Variants in PLD5 observed in about 807,000 individuals in gnomAD.
The protein encoded by PLD5 is phospholipase D family member 5.
In PLD5, 36 loss-of-function variants were observed where a neutral mutation model predicts 61.1. The ratio of observed to expected loss-of-function variants is 0.59; its 90% confidence interval spans 0.45 to 0.78. The LOEUF (loss-of-function observed/expected upper bound fraction) is 0.78, where lower values mean the gene tolerates loss of function less well. Ranked by LOEUF, PLD5 falls within the 30% of genes least tolerant of loss-of-function variation. The probability of loss-of-function intolerance (pLI) is 0.00; values close to 1 mark genes in which losing one functional copy is unlikely to be tolerated. For missense variants in PLD5, 515 were observed against 644.4 expected, an observed-to-expected ratio of 0.80 and a Z score of 2.17; for synonymous variants, 243 against 242.8, an observed-to-expected ratio of 1.00 and a Z score of -0.01.
chr1:242,229,820 A>G (rs1201435158), intron 4 of PLD5, among the ~76,000 whole-genome samples: 1 of 152,098 alleles, frequency 6.6e-6, no homozygotes, highest in Non-Finnish European at 1.5e-5. Flanking sequence ...TGCCTCTACA[A>G]ACTGAAGCAA....
chr1:242,452,356 C>T (rs1341213526), intron 1 of PLD5, among the ~76,000 whole-genome samples: 2 of 152,114 alleles, frequency 1.3e-5, no homozygotes, highest in Middle Eastern at 3.2e-3. Context: ...AAAATTGTTA[C>T]ACTTTTCAGC....
chr1:242,385,571 T>G (rs1032715016), intron 1 of PLD5, among the ~76,000 whole-genome samples: 1 of 152,166 alleles, frequency 6.6e-6, no homozygotes, highest in Non-Finnish European at 1.5e-5. Context: ...CCCACTTCCC[T>G]CTCTCAAACT....
intron 1 of PLD5, among the ~76,000 whole-genome samples, chr1:242,469,355 C>T (rs780297751): frequency 2.0e-5 from 3 of 152,158 alleles, no homozygotes; most frequent in Non-Finnish European, 4.4e-5. Context: ...AAAACAGAAT[C>T]GTGATGTTTC....
intron 5 of PLD5, among the ~76,000 whole-genome samples, chr1:242,145,953 G>A (rs1209240544): frequency 6.6e-6 from 1 of 152,224 alleles, no homozygotes; most frequent in Non-Finnish European, 1.5e-5. Context: ...TGGGATTACA[G>A]GCGTGAGCCA....
At chr1:242,293,970 T>C (rs1675512703) in intron 2 of PLD5, among the ~76,000 whole-genome samples, 1 of 152,194 alleles carries the variant, frequency 6.6e-6, no homozygotes, top group African/African-American at 2.4e-5. Context: ...CTGATCTAAT[T>C]AGCATAGAAG....
chr1:242,364,255 A>T (rs2258997), intron 1 of PLD5, among the ~76,000 whole-genome samples: 144,087 of 152,134 alleles, frequency 0.95, 68,708 homozygotes, highest in Non-Finnish European at 1. Flanking sequence ...TAAATAACAT[A>T]TCAATATGTA....
chr1:242,176,519 G>A (rs1035070489), intron 5 of PLD5, among the ~76,000 whole-genome samples: 2 of 152,136 alleles, frequency 1.3e-5, no homozygotes, highest in African/African-American at 4.8e-5. Context: ...TCAGGACATA[G>A]GTATGGGCAA....
intron 1 of PLD5, among the ~76,000 whole-genome samples, chr1:242,511,961 T>A (rs1668924532): frequency 6.6e-6 from 1 of 152,180 alleles, no homozygotes; most frequent in Admixed American, 6.5e-5. Context: ...ATTGGGAATC[T>A]CATAGGCAGA....
chr1:242,322,342 T>C (rs1259734300), intron 2 of PLD5, among the ~76,000 whole-genome samples: 2 of 152,212 alleles, frequency 1.3e-5, no homozygotes, highest in East Asian at 1.9e-4. Flanking sequence ...TCCCCAGATA[T>C]CTACCTTTTT....
intron 5 of PLD5, among the ~76,000 whole-genome samples, chr1:242,183,477 A>T (rs1391710329): frequency 1.3e-5 from 2 of 152,244 alleles, no homozygotes; most frequent in African/African-American, 2.4e-5. Context: ...GAGTAAGGGG[A>T]AAAGCAATTA....
intron 2 of PLD5, among the ~76,000 whole-genome samples, chr1:242,321,712 C>A (rs1341598571): frequency 6.6e-6 from 1 of 152,146 alleles, no homozygotes; most frequent in Non-Finnish European, 1.5e-5. Flanking sequence ...CCCATTTTTT[C>A]TGTACATCAA....
intron 1 of PLD5, among the ~76,000 whole-genome samples, chr1:242,523,742 G>C (rs972992073): frequency 6.6e-6 from 1 of 152,192 alleles, no homozygotes; most frequent in African/African-American, 2.4e-5. Context: ...ACCATGCAAC[G>C]CCAGGTTGCT....
chr1:242,261,186 T>C (rs1412196680), intron 4 of PLD5, among the ~76,000 whole-genome samples: 3 of 152,208 alleles, frequency 2.0e-5, no homozygotes, highest in Admixed American at 2.0e-4. Flanking sequence ...ACAAGTAGAC[T>C]GAGAAAATAC....
chr1:242,110,784 G>C (rs1661420190), intron 7 of PLD5, among the ~76,000 whole-genome samples: 1 of 151,690 alleles, frequency 6.6e-6, no homozygotes, highest in Admixed American at 6.6e-5. Flanking sequence ...CACTCAGCCT[G>C]GGCGACAAGA....
chr1:242,445,687 A>G (rs1461286927), intron 1 of PLD5, among the ~76,000 whole-genome samples: 7 of 151,216 alleles, frequency 4.6e-5, no homozygotes, highest in African/African-American at 1.7e-4. Flanking sequence ...ATTTTGTTAG[A>G]GCAGCCTGAA....
At chr1:242,317,469 A>G (rs1378672908) in intron 2 of PLD5, among the ~76,000 whole-genome samples, 1 of 149,040 alleles carries the variant, frequency 6.7e-6, no homozygotes, top group East Asian at 2.1e-4. Flanking sequence ...AGAATTTGTA[A>G]ACACTTTTTC....
chr1:242,241,809 C>T (rs894995898), intron 4 of PLD5, among the ~76,000 whole-genome samples: 1 of 145,958 alleles, frequency 6.9e-6, no homozygotes, highest in African/African-American at 2.5e-5. Flanking sequence ...CCTCTAGGAC[C>T]TCTACCAGCA....
chr1:242,389,775 C>T (rs939055571), intron 1 of PLD5, among the ~76,000 whole-genome samples: 1 of 151,930 alleles, frequency 6.6e-6, no homozygotes, highest in African/African-American at 2.4e-5. Flanking sequence ...ACAGTGGGCC[C>T]CTAATATATT....
intron 5 of PLD5, among the ~76,000 whole-genome samples, chr1:242,204,440 C>A (rs1052248523): frequency 2.0e-5 from 3 of 152,206 alleles, no homozygotes; most frequent in Admixed American, 6.5e-5. Context: ...GGACAGTAAC[C>A]AAGGCGTTGC....
Sources: allele counts gnomAD v4.1 joint callset (sites outside exome capture counted in the v4.1 genomes callset), GRCh38; gene constraint gnomAD v4.1.1; transcripts MANE v1.5; gene names NCBI Gene and HGNC (gene_info 2026-07-23, HGNC 2026-07-21).